ACBD6: variants seen among roughly 807,000 people sequenced by gnomAD.
The protein encoded by ACBD6 is acyl-CoA binding domain containing 6.
In ACBD6, 28 loss-of-function variants were observed where a neutral mutation model predicts 37.2. The observed-to-expected ratio is 0.75, with a 90% CI of 0.56 to 1.03. The LOEUF (loss-of-function observed/expected upper bound fraction) is 1.03, where lower values mean the gene tolerates loss of function less well. ACBD6 is among the 50% of genes least tolerant of loss of function. The probability of loss-of-function intolerance (pLI) is 0.00; values close to 1 mark genes in which losing one functional copy is unlikely to be tolerated. For synonymous variants in ACBD6, 113 were observed against 126.8 expected, an observed-to-expected ratio of 0.89 and a Z score of 0.73; for missense variants, 340 against 337.4, an observed-to-expected ratio of 1.01 and a Z score of -0.06.
At chr1:180,428,022 G>A (rs1223996048) in intron 4 of ACBD6, among the ~76,000 whole-genome samples, 2 of 151,664 alleles carry the variant, frequency 1.3e-5, no homozygotes, top group African/African-American at 4.8e-5. Flanking sequence ...CCCAATACAA[G>A]AGTATGATTA....
intron 3 of ACBD6, among the ~76,000 whole-genome samples, chr1:180,431,726 ATAAC>A: frequency 6.6e-6 from 1 of 152,282 alleles, no homozygotes; most frequent in Middle Eastern, 3.4e-3. Flanking sequence ...GCTCGAGATG[ATAAC>A]TAAATAAATA....
chr1:180,478,350 A>T lies in ACBD6; in HGVS notation c.384+13919T>A, dbSNP rs568995279. On this transcript the variant is annotated intron_variant, in intron 3 of 7. Coordinates refer to ENST00000367595, the MANE Select transcript of ACBD6 (RefSeq NM_032360.4). ...TTCACAGAAAAATCAGTAACTTTAA[A>T]CTGTGAAACACTGCCCTCTATAGTC... is the stretch of plus-strand genomic sequence containing the variant. Among the ~76,000 whole-genome samples, 55 of 152,326 alleles carry T rather than the reference A, an allele frequency of 3.6e-4. 1 individual carries two copies. In the South Asian group the frequency reaches 0.01, roughly 29 times the overall value.
chr1:180,468,199 G>A (rs1211646078), intron 3 of ACBD6, among the ~76,000 whole-genome samples: 1 of 152,166 alleles, frequency 6.6e-6, no homozygotes, highest in African/African-American at 2.4e-5. Context: ...CCTATCTCCT[G>A]CCTATCCTTG....
At chr1:180,497,987 G>A (rs1050790588) in intron 1 of ACBD6, among the ~76,000 whole-genome samples, 10 of 152,198 alleles carry the variant, frequency 6.6e-5, no homozygotes, top group Admixed American at 4.6e-4. Flanking sequence ...TTTTCATACT[G>A]TTAACACTGA....
intron 3 of ACBD6, among the ~76,000 whole-genome samples, chr1:180,442,046 A>G (rs776893789): frequency 2.0e-5 from 3 of 152,210 alleles, no homozygotes; most frequent in Non-Finnish European, 4.4e-5. Flanking sequence ...TTAACTGAGT[A>G]TAGAATTACA....
chr1:180,496,194 C>A (rs1047475146), intron 1 of ACBD6, among the ~76,000 whole-genome samples: 1 of 152,146 alleles, frequency 6.6e-6, no homozygotes, highest in Admixed American at 6.6e-5. Flanking sequence ...GTGAAATTTT[C>A]ATTAAGAATA....
At chr1:180,457,791 CTGTT>C (rs1416063696) in intron 3 of ACBD6, among the ~76,000 whole-genome samples, 23 of 147,032 alleles carry the variant, frequency 1.6e-4, no homozygotes, top group Non-Finnish European at 3.3e-4. Flanking sequence ...CAAAAATTAA[CTGTT>C]TTTTTTTTTT....
chr1:180,473,609 A>T (rs1026908976), intron 3 of ACBD6, among the ~76,000 whole-genome samples: 4 of 152,226 alleles, frequency 2.6e-5, no homozygotes, highest in African/African-American at 9.6e-5. Flanking sequence ...AAAAAGAGAT[A>T]AATTGTCCAC....
rs115923158 is a variant in ACBD6, at chr1:180,396,037, C to G, written c.663+1479G>C. ...ATGATGTTATGCTGAGTGAAATAAG[C>G]CAGTCAAAAAGGGACAAATATTGTA... On this transcript the variant is annotated intron_variant, in intron 6 of 7. Transcript: ENST00000367595. Among the ~76,000 whole-genome samples the G allele has an allele frequency of 1.4e-3, 212 of 152,120 alleles. 1 individual carries two copies. Among genetic ancestry groups the G allele is most frequent in the African/African-American group, 4.8e-3 (198 of 41,492 alleles).
intron 3 of ACBD6, chr1:180,435,220 T>C (rs1648980664): frequency 1.5e-6 from 1 of 680,824 alleles, no homozygotes; most frequent in Admixed American, 2.0e-5. Flanking sequence ...ACTCTGGTGC[T>C]GGGTTACGAG....
chr1:180,488,215 A>G (rs549859863), intron 3 of ACBD6, among the ~76,000 whole-genome samples: 1 of 152,292 alleles, frequency 6.6e-6, no homozygotes, highest in South Asian at 2.1e-4. Flanking sequence ...AGTTCCTTAT[A>G]TTATTCGAAA....
intron 7 of ACBD6, among the ~76,000 whole-genome samples, chr1:180,289,348 A>T (rs1450659218): frequency 6.6e-6 from 1 of 152,246 alleles, no homozygotes; most frequent in African/African-American, 2.4e-5. Context: ...CAATAAACAT[A>T]TAAAAAGATG....
chr1:180,271,925 A>G, exon 14 of ACBD6: 1 of 1,613,426 alleles, frequency 6.2e-7, no homozygotes, highest in African/African-American at 1.3e-5. Context: ...GAGCGTCAAG[A>G]GGAGCCGGGG....
At chr1:180,296,256 A>T (rs568942699) in intron 7 of ACBD6, among the ~76,000 whole-genome samples, 8 of 152,294 alleles carry the variant, frequency 5.3e-5, no homozygotes, top group Admixed American at 5.2e-4. Context: ...ACTGCAGAAG[A>T]AAAGTTAGGA....
chr1:180,422,219 T>A (rs1374280712), intron 4 of ACBD6, among the ~76,000 whole-genome samples: 3 of 152,024 alleles, frequency 2.0e-5, no homozygotes. Context: ...TTCTTTTTTT[T>A]TTTTGAGATG....
intron 6 of ACBD6, among the ~76,000 whole-genome samples, chr1:180,344,792 C>T (rs1382420040): frequency 6.6e-6 from 1 of 152,158 alleles, no homozygotes; most frequent in Non-Finnish European, 1.5e-5. Context: ...ATTTTCTCAA[C>T]TCTGCTACTA....
intron 3 of ACBD6, chr1:180,435,455 G>A (rs946474550): frequency 9.0e-5 from 41 of 456,158 alleles, no homozygotes; most frequent in Middle Eastern, 6.2e-4. Context: ...GGGTTTCACC[G>A]TTAGCCAGGA....
intron 6 of ACBD6, among the ~76,000 whole-genome samples, chr1:180,361,425 G>A (rs1263182251): frequency 2.6e-5 from 4 of 151,702 alleles, no homozygotes; most frequent in Admixed American, 6.6e-5. Flanking sequence ...TGTAAAATCT[G>A]TAAACACATA....
At chr1:180,327,961 G>C (rs77732044) in intron 6 of ACBD6, among the ~76,000 whole-genome samples, 5,515 of 152,200 alleles carry the variant, frequency 0.036, 318 homozygotes, top group African/African-American at 0.12. Context: ...TTTAAGGACT[G>C]AGTTTTCTTG....
Sources: gnomAD v4.1 joint callset for allele counts (sites outside exome capture counted in the v4.1 genomes callset) on GRCh38, gnomAD v4.1.1 for gene constraint, MANE v1.5 for transcripts, NCBI Gene and HGNC (gene_info 2026-07-23, HGNC 2026-07-21) for gene names.